CFAP57: variants seen among roughly 807,000 people sequenced by gnomAD.
CFAP57 encodes cilia and flagella associated protein 57.
A neutral mutation model predicts 146.8 loss-of-function variants in CFAP57; 116 were observed. That is an observed-to-expected ratio of 0.79 (90% CI 0.68 to 0.92). The LOEUF is 0.92. CFAP57 is among the 40% of genes least tolerant of loss of function. The pLI, the probability that CFAP57 is intolerant of heterozygous loss-of-function variation, is 0.00. For missense variants in CFAP57, 1,377 were observed against 1,527.2 expected (o/e 0.90, Z 1.64); for synonymous variants, 518 against 552.8 (o/e 0.94, Z 0.88).
chr1:43,185,095 T>TCA, intron 4 of CFAP57, 54 bp from the exon 5 acceptor site: 1 of 1,587,590 alleles, frequency 6.3e-7, no homozygotes, highest in Non-Finnish European at 8.6e-7. Context: ...CCAGCAGAAT[T>TCA]CATCTCCTCA....
At chr1:43,208,330 G>A (rs992799133) in intron 10 of CFAP57, among the ~76,000 whole-genome samples, 1 of 152,148 alleles carries the variant, frequency 6.6e-6, no homozygotes, top group African/African-American at 2.4e-5. Context: ...AAATTATGCT[G>A]CTATAAAGAC....
chr1:43,226,500 A>T (rs555775188), intron 17 of CFAP57, among the ~76,000 whole-genome samples: 1 of 152,164 alleles, frequency 6.6e-6, no homozygotes, highest in Non-Finnish European at 1.5e-5. Context: ...CCCTCCCCCA[A>T]TGCAGGTGTC....
At chr1:43,194,174 T>A (rs1336239559) in intron 6 of CFAP57, among the ~76,000 whole-genome samples, 1 of 144,378 alleles carries the variant, frequency 6.9e-6, no homozygotes, top group African/African-American at 2.8e-5. Flanking sequence ...TTCAGTTTTT[T>A]TGGTAATTTT....
At chr1:43,250,691 A>G (rs1646302436) in intron 22 of CFAP57, among the ~76,000 whole-genome samples, 1 of 152,162 alleles carries the variant, frequency 6.6e-6, no homozygotes, top group Non-Finnish European at 1.5e-5. Flanking sequence ...CCCTTTCTCT[A>G]CTGGTTGGGC....
chr1:43,249,421 C>CTTTTTTTTTTT (rs60189164), intron 22 of CFAP57, among the ~76,000 whole-genome samples: 1 of 67,902 alleles, frequency 1.5e-5, no homozygotes, highest in Non-Finnish European at 2.9e-5. Context: ...TTAACCATTT[C>CTTTTTTTTTTT]TTTTTTTTTT....
At chr1:43,197,079 C>A (rs1253531466) in intron 6 of CFAP57, among the ~76,000 whole-genome samples, 1 of 152,144 alleles carries the variant, frequency 6.6e-6, no homozygotes, top group Non-Finnish European at 1.5e-5. Flanking sequence ...CTCAGCCAAG[C>A]ATGGTGGCTC....
rs572781568 is a variant in CFAP57 at position 43,204,340 on chromosome 1, A to C, written c.1543-2380A>C. ...AAATCTACCATCTGGGCCCCTTCAA[A>C]GGCAATTTCTATTGCCTGAATGCTT... On this transcript the variant is annotated intron_variant, in intron 9 of 22. Transcript: ENST00000372492. Among the ~76,000 whole-genome samples, 34 of 152,318 alleles carry C rather than the reference A, an allele frequency of 2.2e-4. No homozygotes were observed. In the South Asian group the frequency reaches 7.0e-3, roughly 32 times the overall value.
Position 43,201,420 on chromosome 1 carries a change from C to T in CFAP57, c.1542+1917C>T, listed in dbSNP as rs1225696264. On this transcript the variant is annotated intron_variant, in intron 9 of 22. Transcript: ENST00000372492. The surrounding 1 kb of genome is among the most constrained non-coding windows in gnomAD (Gnocchi z 4.4). ...GTCCAAAACTGACCGTTGACTTTAGCAAATAACAGATCATTGGAAGGAAAA... is the reference window on the plus strand; with the variant it reads ...GTCCAAAACTGACCGTTGACTTTAGTAAATAACAGATCATTGGAAGGAAAA... Among the ~76,000 whole-genome samples the T allele has an allele frequency of 6.6e-6, 1 of 152,124 alleles. No individual in the cohort carries two copies. Among genetic ancestry groups the T allele is most frequent in the Non-Finnish European group, 1.5e-5 (1 of 68,018 alleles).
chr1:43,184,694 C>T (rs1414257063), intron 4 of CFAP57, among the ~76,000 whole-genome samples: 3 of 145,924 alleles, frequency 2.1e-5, no homozygotes, highest in Admixed American at 2.0e-4. Flanking sequence ...CAGTAACCTT[C>T]AATCCACCCA....
intron 3 of CFAP57, among the ~76,000 whole-genome samples, chr1:43,183,108 A>C (rs997249632): frequency 2.6e-5 from 4 of 152,202 alleles, no homozygotes; most frequent in Non-Finnish European, 5.9e-5. Flanking sequence ...TGGTGTTTTC[A>C]CCTTATGATG....
intron 11 of CFAP57, chr1:43,210,256 C>A: frequency 6.8e-7 from 1 of 1,473,582 alleles, no homozygotes; most frequent in Non-Finnish European, 8.9e-7. Context: ...GAGAATGCCC[C>A]AGACTGAAAG....
intron 19 of CFAP57, among the ~76,000 whole-genome samples, chr1:43,232,842 T>TGG (rs1645528779): frequency 6.6e-6 from 1 of 152,212 alleles, no homozygotes; most frequent in African/African-American, 2.4e-5. Flanking sequence ...TTTGGGTAAG[T>TGG]GATCAAGGAG....
chr1:43,224,022 T>C (rs1176390829), intron 16 of CFAP57, 24 bp from the exon 17 acceptor site: 1 of 1,549,966 alleles, frequency 6.5e-7, no homozygotes, highest in South Asian at 1.2e-5. Flanking sequence ...TAGTGGTCTT[T>C]GTTGTTGCTG....
At chr1:43,196,206 T>C (rs986312320) in intron 6 of CFAP57, among the ~76,000 whole-genome samples, 2 of 152,234 alleles carry the variant, frequency 1.3e-5, no homozygotes, top group Non-Finnish European at 2.9e-5. Context: ...TTCCCCATCA[T>C]TGCATGACTC....
intron 7 of CFAP57, 64 bp from the exon 8 acceptor site, chr1:43,198,417 C>A: frequency 6.6e-7 from 1 of 1,521,506 alleles, no homozygotes; most frequent in Non-Finnish European, 9.1e-7. Context: ...ATATCAGATA[C>A]AGTAGATGAC....
chr1:43,214,759 T>C (rs372423962), intron 11 of CFAP57, among the ~76,000 whole-genome samples: 221 of 152,282 alleles, frequency 1.5e-3, no homozygotes, highest in African/African-American at 5.0e-3. Flanking sequence ...TGAGACCCAG[T>C]TTCTCTGCAT....
At chr1:43,250,833 G>A (rs1646306767) in intron 22 of CFAP57, among the ~76,000 whole-genome samples, 1 of 152,210 alleles carries the variant, frequency 6.6e-6, no homozygotes, top group African/African-American at 2.4e-5. Flanking sequence ...GTCCTCAAGA[G>A]TGTCCATACT....
In CFAP57 at chr1:43,181,648, C is replaced by G. The variant is rs117288508; in HGVS notation, c.272C>G (p.Ser91Cys). The G allele has an allele frequency of 9.9e-6, 16 of 1,614,238 alleles. No homozygotes were observed. The East Asian group carries it at 3.1e-4, about 31-fold the overall frequency. ...KPAITIYELSSIPCRKRKVLN... is the reference protein window; with the variant it reads ...KPAITIYELSCIPCRKRKVLN... ...GCCATCACCATTTATGAATTGTCAT[C>G]CATCCCTTGCCGGAAGCGCAAAGTT... is the stretch of plus-strand genomic sequence containing the variant. The change falls in exon 3 of 23, where the codon TCC becomes TGC. Residue 91 changes from serine to cysteine, a missense_variant. Ser to Cys is a moderately radical substitution (Grantham distance 112). Transcript: ENST00000372492.
chr1:43,206,645 G>A, intron 9 of CFAP57, 75 bp from the exon 10 acceptor site: 3 of 1,490,226 alleles, frequency 2.0e-6, no homozygotes, highest in South Asian at 1.1e-5. Context: ...AGCACCTAAG[G>A]AGTTTGCACC....
Sources: allele counts gnomAD v4.1 joint callset (sites outside exome capture counted in the v4.1 genomes callset), GRCh38; gene constraint gnomAD v4.1.1; non-coding constraint Gnocchi (gnomAD v3.1); transcripts MANE v1.5; gene names NCBI Gene and HGNC (gene_info 2026-07-23, HGNC 2026-07-21).